The following NAV2 variants were observed in gnomAD, a reference collection of about 807,000 sequenced individuals.
NAV2 encodes neuron navigator 2.
In NAV2, 54 loss-of-function variants were observed where a neutral mutation model predicts 223.2. That is an observed-to-expected ratio of 0.24 (90% CI 0.19 to 0.30). The LOEUF is 0.30. Among genes scored for constraint, NAV2 ranks in the 10% least tolerant of loss-of-function variants. The pLI is 1.00. For synonymous variants in NAV2, 1,279 were observed against 1,239.3 expected, an observed-to-expected ratio of 1.03 and a Z score of -0.67; for missense variants, 2,806 against 3,147.5, an observed-to-expected ratio of 0.89 and a Z score of 2.60.
chr11:20,015,464 G>C (rs2053926824), intron 11 of NAV2, among the ~76,000 whole-genome samples: 1 of 152,168 alleles, frequency 6.6e-6, no homozygotes, highest in African/African-American at 2.4e-5. Context: ...GGCAGCCTGA[G>C]TACAGATTTT....
intron 1 of NAV2, among the ~76,000 whole-genome samples, chr11:19,598,657 C>T (rs971747353): frequency 1.3e-5 from 2 of 152,014 alleles, no homozygotes; most frequent in Admixed American, 1.3e-4. Flanking sequence ...AATGGAAGCA[C>T]ACAGAAAGAT....
chr11:19,708,010 C>T (rs2049723459), upstream of NAV2, among the ~76,000 whole-genome samples: 1 of 152,234 alleles, frequency 6.6e-6, no homozygotes, highest in Non-Finnish European at 1.5e-5. Flanking sequence ...TACACACATA[C>T]ATACCCCTCA....
chr11:19,969,035 A>G lies in NAV2; in HGVS notation c.2646-15090A>G, dbSNP rs539043696. 1.4e-4 allele frequency among the ~76,000 whole-genome samples: 21 copies of G among 152,220 alleles called. No individual in the cohort carries two copies. In the South Asian group the frequency reaches 3.7e-3, roughly 27 times the overall value. On this transcript the variant is annotated intron_variant, in intron 10 of 37. Transcript: ENST00000349880. ...CTCCAGCAGCTGCCTTCCTACAGGG[A>G]GAAACGTGCTCATCCACACAGTTTG...
At chr11:19,759,639 C>T (rs1003122836) in intron 1 of NAV2, among the ~76,000 whole-genome samples, 5 of 152,186 alleles carry the variant, frequency 3.3e-5, no homozygotes, top group Non-Finnish European at 5.9e-5. Flanking sequence ...GGTTGGCTCC[C>T]ACATCAGGTA....
chr11:19,960,842 C>A (rs1014185799), intron 10 of NAV2, among the ~76,000 whole-genome samples: 2 of 151,978 alleles, frequency 1.3e-5, no homozygotes, highest in African/African-American at 4.8e-5. Flanking sequence ...AAACTCCTGA[C>A]CTCAAGTGAT....
intron 3 of NAV2, 102 bp from the exon 4 acceptor site, chr11:19,868,823 G>A (rs1472277837): frequency 1.5e-5 from 17 of 1,139,556 alleles, no homozygotes; most frequent in East Asian, 1.2e-4. Context: ...TTCGTTCATC[G>A]GCCGTTTTTA....
At chr11:19,897,333 GTAAC>G (rs1349957233) in intron 6 of NAV2, among the ~76,000 whole-genome samples, 3 of 151,970 alleles carry the variant, frequency 2.0e-5, no homozygotes. Context: ...GTATACATAT[GTAAC>G]TAACCTGCAC....
chr11:19,406,592 T>A lies in NAV2; in HGVS notation c.75+55565T>A, dbSNP rs113069208. Among the ~76,000 whole-genome samples, 631 of 152,190 alleles carry A rather than the reference T, an allele frequency of 4.1e-3. 6 individuals are homozygous for A. The highest frequency in any genetic ancestry group is 0.014 in the African/African-American group (590 of 41,524). Reference sequence around the variant, plus strand: ...CCGCCAATGAAGTTATACATTCCCTTGAGATGGGCTCATGTCCCCGGGAGG... The same window carrying A: ...CCGCCAATGAAGTTATACATTCCCTAGAGATGGGCTCATGTCCCCGGGAGG... On this transcript the variant is annotated intron_variant, in intron 1 of 37. Coordinates refer to the NAV2 transcript ENST00000360655.
chr11:19,627,927 AAGAAGAAG>A (rs2047218998), intron 1 of NAV2, among the ~76,000 whole-genome samples: 1 of 128,610 alleles, frequency 7.8e-6, no homozygotes, highest in Non-Finnish European at 1.6e-5. Context: ...AAAAAAAAAA[AAGAAGAAG>A]AAGAAGAAGA....
At chr11:19,716,832 A>G (rs1405708820) in intron 1 of NAV2, among the ~76,000 whole-genome samples, 2 of 152,250 alleles carry the variant, frequency 1.3e-5, no homozygotes, top group African/African-American at 4.8e-5. Flanking sequence ...TCTATGTGCC[A>G]GGAATTGTTC....
chr11:19,690,232 A>G (rs1364793), intron 1 of NAV2, among the ~76,000 whole-genome samples: 130,913 of 152,168 alleles, frequency 0.86, 56,859 homozygotes, highest in Middle Eastern at 0.96. Flanking sequence ...AAAGTGCTGG[A>G]ATTACAGGTG....
chr11:19,851,443 G>A (rs1446556170), intron 3 of NAV2, among the ~76,000 whole-genome samples: 11 of 152,144 alleles, frequency 7.2e-5, no homozygotes, highest in Admixed American at 7.2e-4. Flanking sequence ...AATAAGCATG[G>A]GCTCTGGGAT....
At chr11:19,806,351 T>C (rs963606586) in intron 1 of NAV2, among the ~76,000 whole-genome samples, 2 of 152,262 alleles carry the variant, frequency 1.3e-5, no homozygotes, top group African/African-American at 2.4e-5. Flanking sequence ...TGCAGTTCTG[T>C]GTAGGAAATT....
chr11:20,082,816 C>G (rs1224002923), intron 25 of NAV2, among the ~76,000 whole-genome samples, 191 bp from the exon 26 acceptor site: 1 of 152,154 alleles, frequency 6.6e-6, no homozygotes, highest in African/African-American at 2.4e-5. Flanking sequence ...GATGCAGTCC[C>G]TCAAGCTGGC....
chr11:19,692,287 G>C (rs557846978), intron 1 of NAV2, among the ~76,000 whole-genome samples: 113 of 152,366 alleles, frequency 7.4e-4, no homozygotes, highest in African/African-American at 2.6e-3. Context: ...GACTCACCAG[G>C]CACTTCTGTT....
chr11:19,458,098 A>C (rs1242527160), intron 1 of NAV2, among the ~76,000 whole-genome samples: 1 of 152,102 alleles, frequency 6.6e-6, no homozygotes, highest in Non-Finnish European at 1.5e-5. Context: ...TCCTGCTTTC[A>C]CCAGTCTGCA....
At chr11:19,522,598 G>A (rs2043701699) in intron 1 of NAV2, among the ~76,000 whole-genome samples, 1 of 152,164 alleles carries the variant, frequency 6.6e-6, no homozygotes, top group South Asian at 2.1e-4. Flanking sequence ...GAGTGCCACT[G>A]GTGTGTGTCC....
intron 1 of NAV2, among the ~76,000 whole-genome samples, chr11:19,566,267 AG>A (rs1189883381): frequency 6.6e-6 from 1 of 151,894 alleles, no homozygotes; most frequent in Non-Finnish European, 1.5e-5. Context: ...TGGTAAGAAC[AG>A]GGTTTCACCA....
chr11:19,944,010 C>T (rs1254984068), intron 8 of NAV2, among the ~76,000 whole-genome samples: 1 of 151,886 alleles, frequency 6.6e-6, no homozygotes, highest in Non-Finnish European at 1.5e-5. Context: ...CCAGCCTGGC[C>T]AACATGGTGA....
Sources: allele counts gnomAD v4.1 joint callset (sites outside exome capture counted in the v4.1 genomes callset), GRCh38; gene constraint gnomAD v4.1.1; transcripts MANE v1.5; gene names NCBI Gene and HGNC (gene_info 2026-07-23, HGNC 2026-07-21).